The following PIH1D2 variants were observed in gnomAD, a reference collection of about 807,000 sequenced individuals.
The protein encoded by PIH1D2 is PIH1 domain containing 2, also known as PIH1 domain-containing protein 2.
Under a neutral mutation model 31.2 loss-of-function variants are expected in PIH1D2, and 25 were observed. The ratio of observed to expected loss-of-function variants is 0.80; its 90% confidence interval spans 0.58 to 1.12. The LOEUF (loss-of-function observed/expected upper bound fraction) is 1.12. Among genes scored for constraint, PIH1D2 ranks in the 50% most tolerant of loss-of-function variants. PIH1D2 has a pLI of 0.00. For missense variants in PIH1D2, 310 were observed against 356.6 expected (o/e 0.87, Z 1.05); for synonymous variants, 116 against 119.9 (o/e 0.97, Z 0.21).
chr11:112,056,395 T>C, the PIH1D2 span, among the ~76,000 whole-genome samples: 2 of 152,224 alleles, frequency 1.3e-5, no homozygotes, highest in Admixed American at 6.5e-5. Flanking sequence ...CTTGAGTCTA[T>C]AGATTTGTAT....
rs782702747 is a variant in PIH1D2, at chr11:112,070,708, G to GA, written c.548-8dup. 9 of 1,592,674 alleles carry GA rather than the reference G, an allele frequency of 5.7e-6. No individual in the cohort carries two copies. The African/African-American group carries it at 6.8e-5, about 12-fold the overall frequency. ...ATCTGTCCAAGAGTTAGTTCTTTAT[G>GA]AAAAAAAGGGTGGAGGGGAGATAAA... On this transcript the variant is annotated splice_polypyrimidine_tract_variant and splice_region_variant and intron_variant, in intron 4 of 5. Coordinates refer to ENST00000280350, the MANE Select transcript of PIH1D2 (RefSeq NM_138789.4).
At chr11:112,064,279 T>G, downstream of PIH1D2, 1 of 1,431,912 alleles carries the variant, frequency 7.0e-7, no homozygotes, top group South Asian at 1.3e-5. Flanking sequence ...TAAAAATTAA[T>G]CTGAGCTATA....
At chr11:112,056,544 G>C in the PIH1D2 span, among the ~76,000 whole-genome samples, 17 of 152,254 alleles carry the variant, frequency 1.1e-4, no homozygotes, top group Non-Finnish European at 2.5e-4. Flanking sequence ...TTGCTGTATA[G>C]TGTTTAATCG....
intron 2 of PIH1D2, among the ~76,000 whole-genome samples, chr11:112,072,301 T>A (rs1385471081): frequency 6.6e-6 from 1 of 151,770 alleles, no homozygotes; most frequent in Admixed American, 6.6e-5. Context: ...CCCTAGTACT[T>A]TGAGAGGCTG....
chr11:112,061,857 A>G (rs1050060571), downstream of PIH1D2, among the ~76,000 whole-genome samples: 12 of 152,198 alleles, frequency 7.9e-5, no homozygotes, highest in Non-Finnish European at 1.2e-4. Context: ...TGCTGGGATT[A>G]CAGGAATGAG....
chr11:112,073,710 C>T (rs780803039), intron 1 of PIH1D2, among the ~76,000 whole-genome samples: 15 of 152,156 alleles, frequency 9.9e-5, no homozygotes, highest in Non-Finnish European at 1.5e-4. Flanking sequence ...AATACCTCTA[C>T]CATAGGATTA....
downstream of PIH1D2, chr11:112,060,158 ATTTTTTT>A (rs782188808): frequency 2.4e-4 from 138 of 568,634 alleles, no homozygotes; most frequent in Middle Eastern, 2.2e-3. Context: ...CTGTCACGTA[ATTTTTTT>A]TTTTTTTTTT....
downstream of PIH1D2, among the ~76,000 whole-genome samples, chr11:112,065,611 C>G (rs375001750): frequency 3.9e-5 from 6 of 152,186 alleles, no homozygotes; most frequent in East Asian, 1.2e-3. Context: ...GAATTTAAAT[C>G]CAGGCCAGGC....
At chr11:112,060,198 G>A, downstream of PIH1D2, 1 of 745,850 alleles carries the variant, frequency 1.3e-6, no homozygotes, top group African/African-American at 2.3e-5. Context: ...GAGTCTCTCT[G>A]TCACCCAGGC....
chr11:112,055,953 C>T, the PIH1D2 span, among the ~76,000 whole-genome samples: 4 of 141,812 alleles, frequency 2.8e-5, no homozygotes, highest in East Asian at 2.1e-4. Context: ...TTGCAACCTC[C>T]GCCTCCCGGG....
chr11:112,052,664 G>A, the PIH1D2 span, among the ~76,000 whole-genome samples: 1 of 152,020 alleles, frequency 6.6e-6, no homozygotes, highest in Non-Finnish European at 1.5e-5. Context: ...ATTAAATCTT[G>A]TTGAAGGGTC....
downstream of PIH1D2, chr11:112,064,100 A>G: frequency 1.5e-6 from 2 of 1,308,390 alleles, no homozygotes; most frequent in South Asian, 1.4e-5. Context: ...TAGGTTGAAG[A>G]TTATCCAAAA....
At position 112,070,654 on chromosome 11, in the gene PIH1D2, G is replaced by C; in HGVS notation, c.595C>G (p.His199Asp). The change falls in exon 5 of 6, where the codon CAC becomes GAC. Residue 199 changes from histidine (H) to aspartate (D), a missense_variant. Physicochemically the swap from His to Asp is moderately conservative, Grantham distance 81 (BLOSUM62 -1). Coordinates refer to ENST00000280350, the MANE Select transcript of PIH1D2 (RefSeq NM_138789.4). Reference sequence around the variant, plus strand: ...TTTGGCAGTAACAGTTGAGGAAAGTGATCTGGATTGCTCATAGTACTGCTT... The same window carrying C: ...TTTGGCAGTAACAGTTGAGGAAAGTCATCTGGATTGCTCATAGTACTGCTT... ...IRSSTMSNPD[H>D]FPQLLLPKDQ... The C allele has an allele frequency of 6.2e-7, 1 of 1,614,104 alleles. No individual in the cohort carries two copies. Among genetic ancestry groups the C allele is most frequent in the African/African-American group, 1.3e-5 (1 of 75,032 alleles).
chr11:112,064,005 C>G, downstream of PIH1D2: 2 of 608,296 alleles, frequency 3.3e-6, no homozygotes, highest in Non-Finnish European at 5.5e-6. Context: ...ACAAGTGACA[C>G]TCCATATATT....
At position 112,073,150 on chromosome 11, in the gene PIH1D2, G is replaced by A. The variant is rs1555185062; in HGVS notation, c.25C>T (p.Leu9Phe). ...TTCCAAAACTGAGTAACTTGGGTAA[G>A]CAGACCTTTTGAGGATGTCTCCATG... METSSKGL[L>F]TQVTQFWNLL... Residue 9 changes from leucine (L) to phenylalanine (F), a missense_variant, in exon 2 of 6, where the codon CTT becomes TTT. Transcript: ENST00000280350. 1 of 1,612,908 alleles carries A rather than the reference G, an allele frequency of 6.2e-7. No homozygotes were observed. Among genetic ancestry groups the A allele is most frequent in the South Asian group, 1.1e-5 (1 of 91,042 alleles).
intron 1 of PIH1D2, among the ~76,000 whole-genome samples, chr11:112,073,666 G>C (rs1865222217): frequency 6.6e-6 from 1 of 152,098 alleles, no homozygotes; most frequent in Non-Finnish European, 1.5e-5. Flanking sequence ...CTGTGACCTT[G>C]AGCAATTAAT....
chr11:112,054,731 A>G, the PIH1D2 span, among the ~76,000 whole-genome samples: 3 of 152,208 alleles, frequency 2.0e-5, no homozygotes, highest in Admixed American at 6.5e-5. Context: ...ATTAAAACAA[A>G]TTTATTCTCT....
At chr11:112,073,739 T>C (rs1311519828) in intron 1 of PIH1D2, among the ~76,000 whole-genome samples, 1 of 152,182 alleles carries the variant, frequency 6.6e-6, no homozygotes, top group African/African-American at 2.4e-5. Flanking sequence ...TTAAGTAAGC[T>C]AATAGAGAGG....
Position 112,071,640 on chromosome 11 carries a change from A to G in PIH1D2, c.296T>C (p.Ile99Thr), listed in dbSNP as rs1865116342. 1 of 1,613,372 alleles carries G rather than the reference A, an allele frequency of 6.2e-7. No homozygotes were observed. Among genetic ancestry groups the G allele is most frequent in the Non-Finnish European group, 8.5e-7 (1 of 1,179,454 alleles). ...TVGKPEDTTE[I>T]SDAYTVIDVA... ...TTTCTCTCAATTATTTGTACCTGAT[A>G]TCTCAGTTGTATCTTCTGGTTTGCC... The change falls in exon 3 of 6, where the codon ATA becomes ACA. Residue 99 changes from isoleucine (I) to threonine (T), a missense_variant. By Grantham distance (89) the Ile-to-Thr change is moderately conservative (BLOSUM62 -1). Coordinates refer to ENST00000280350, the MANE Select transcript of PIH1D2 (RefSeq NM_138789.4).
Sources: gnomAD v4.1 joint callset for allele counts (sites outside exome capture counted in the v4.1 genomes callset) on GRCh38, gnomAD v4.1.1 for gene constraint, MANE v1.5 for transcripts, NCBI Gene and HGNC (gene_info 2026-07-23, HGNC 2026-07-21) for gene names.